Variants in CRY2 observed in about 807,000 individuals in gnomAD.
CRY2 encodes cryptochrome circadian regulator 2.
In CRY2, 31 loss-of-function variants were observed where a neutral mutation model predicts 69.5. The observed-to-expected ratio is 0.45, with a 90% CI of 0.34 to 0.60. The LOEUF is 0.60. Among genes scored for constraint, CRY2 ranks in the 20% least tolerant of loss-of-function variants. The pLI is 0.02. For synonymous variants in CRY2, 303 were observed against 312.2 expected (o/e 0.97, Z 0.31); for missense variants, 606 against 797.8 (o/e 0.76, Z 2.90).
chr11:45,874,994 G>T (rs1017141577), intron 11 of CRY2, among the ~76,000 whole-genome samples: 3 of 152,160 alleles, frequency 2.0e-5, no homozygotes, highest in African/African-American at 7.2e-5. Flanking sequence ...ATAAAATAAA[G>T]TTGAGTAAGA....
Position 45,872,122 on chromosome 11 carries a change from C to T in CRY2, c.1673C>T (p.Ser558Phe), listed in dbSNP as rs760099697. The change falls in exon 11 of 12, where the codon TCC (serine) becomes TTC (phenylalanine). Residue 558 changes from serine to phenylalanine, a missense_variant. Physicochemically the swap from Ser to Phe is radical, Grantham distance 155 (BLOSUM62 -2). Around this residue, in one of 5 missense-constraint regions of CRY2, gnomAD observed 173 missense variants for 213.7 expected, o/e 0.81. Coordinates refer to ENST00000616080, the MANE Select transcript of CRY2 (RefSeq NM_021117.5). ...AGACCACTACCCAGTGGCCCAGCAT[C>T]CCCCAAACGCAAGCTGGAAGCAGCC... ...GPRPLPSGPASPKRKLEAAEE... is the reference protein window; with the variant it reads ...GPRPLPSGPAFPKRKLEAAEE... 2.5e-6 allele frequency: 4 copies of T among 1,614,004 alleles called. No individual in the cohort carries two copies. Among genetic ancestry groups the T allele is most frequent in the Non-Finnish European group, 3.4e-6 (4 of 1,180,010 alleles).
At chr11:45,878,303 G>T (rs1389186926) in intron 11 of CRY2, among the ~76,000 whole-genome samples, 1 of 152,124 alleles carries the variant, frequency 6.6e-6, no homozygotes, top group Non-Finnish European at 1.5e-5. Context: ...GTTATTCTAA[G>T]GAATCTTCAT....
chr11:45,848,232 C>T (rs1202615779), intron 1 of CRY2, among the ~76,000 whole-genome samples: 1 of 152,160 alleles, frequency 6.6e-6, no homozygotes, highest in Non-Finnish European at 1.5e-5. Context: ...GACCGTCCTG[C>T]CTCTAGGGGT....
At chr11:45,847,269 G>T (rs776691726), upstream of CRY2, 9 of 1,551,840 alleles carry the variant, frequency 5.8e-6, no homozygotes, top group South Asian at 8.3e-5. Flanking sequence ...CCACCCGGGC[G>T]GACCCACACA....
At chr11:45,855,124 C>T (rs2086229191) in intron 1 of CRY2, among the ~76,000 whole-genome samples, 1 of 152,206 alleles carries the variant, frequency 6.6e-6, no homozygotes, top group African/African-American at 2.4e-5. Context: ...ATCCAGGTCT[C>T]CTGCTGAAGT....
At chr11:45,854,954 G>A (rs578095709) in intron 1 of CRY2, among the ~76,000 whole-genome samples, 4 of 152,162 alleles carry the variant, frequency 2.6e-5, no homozygotes, top group Non-Finnish European at 4.4e-5. Context: ...GTTGCCTCTG[G>A]GGAGTGAGGG....
At chr11:45,855,280 C>T (rs1038492944) in intron 1 of CRY2, among the ~76,000 whole-genome samples, 2 of 152,048 alleles carry the variant, frequency 1.3e-5, no homozygotes, top group African/African-American at 4.8e-5. Context: ...GAGCCACCTG[C>T]CAAACAAAGC....
intron 10 of CRY2, among the ~76,000 whole-genome samples, chr11:45,871,557 A>G (rs2086383082): frequency 6.6e-6 from 1 of 152,168 alleles, no homozygotes; most frequent in Non-Finnish European, 1.5e-5. Context: ...GGGCACAGGG[A>G]GGCCAGAGAG....
chr11:45,856,337 A>T (rs1387464933), intron 2 of CRY2: 2 of 456,342 alleles, frequency 4.4e-6, no homozygotes, highest in African/African-American at 4.0e-5. Flanking sequence ...CAGACATAGG[A>T]TGTGGTAAGT....
chr11:45,873,699 T>C (rs1402194999), intron 11 of CRY2, among the ~76,000 whole-genome samples: 1 of 152,148 alleles, frequency 6.6e-6, no homozygotes, highest in African/African-American at 2.4e-5. Context: ...TCCATAAGGA[T>C]TGAACAGTCT....
intron 5 of CRY2, 119 bp downstream of exon 5, chr11:45,862,267 C>A (rs2086293908): frequency 9.5e-6 from 8 of 837,998 alleles, no homozygotes; most frequent in Non-Finnish European, 1.4e-5. Flanking sequence ...AATGAAAAAT[C>A]CTCCTATCCT....
At chr11:45,865,089 T>C (rs1420116772) in intron 5 of CRY2, among the ~76,000 whole-genome samples, 2 of 151,518 alleles carry the variant, frequency 1.3e-5, no homozygotes, top group African/African-American at 4.9e-5. Context: ...TGGCCAAGAC[T>C]AAATTGTAAT....
At chr11:45,848,024 T>C (rs1392069415) in intron 1 of CRY2, among the ~76,000 whole-genome samples, 1 of 151,992 alleles carries the variant, frequency 6.6e-6, no homozygotes, top group African/African-American at 2.4e-5. Flanking sequence ...AGCCAGTGAG[T>C]GGCAGAACAG....
At chr11:45,879,351 A>G (rs573067635) in intron 11 of CRY2, among the ~76,000 whole-genome samples, 1 of 152,350 alleles carries the variant, frequency 6.6e-6, no homozygotes, top group African/African-American at 2.4e-5. Flanking sequence ...CTTCAGATTT[A>G]CCATGCGGCC....
At chr11:45,867,347 T>C (rs2086339123) in intron 5 of CRY2, 1 of 441,832 alleles carries the variant, frequency 2.3e-6, no homozygotes, top group Non-Finnish European at 4.0e-6. Flanking sequence ...ATTTTGTTCT[T>C]ATTTAATAGA....
At chr11:45,876,204 G>C (rs1219690715) in intron 11 of CRY2, among the ~76,000 whole-genome samples, 1 of 152,072 alleles carries the variant, frequency 6.6e-6, no homozygotes, top group African/African-American at 2.4e-5. Context: ...CTACATCCTG[G>C]GCCTTTTGAG....
At chr11:45,873,828 G>A (rs2086405360) in intron 11 of CRY2, among the ~76,000 whole-genome samples, 1 of 152,316 alleles carries the variant, frequency 6.6e-6, no homozygotes, top group African/African-American at 2.4e-5. Context: ...ACAGAAGTTT[G>A]CGCTAGGGGG....
At chr11:45,847,195 C>T (rs2086155084), upstream of CRY2, 1 of 1,550,070 alleles carries the variant, frequency 6.5e-7, no homozygotes, top group East Asian at 2.4e-5. Context: ...CTACTCCCGG[C>T]ACTCCGCGGA....
Position 45,859,391 on chromosome 11 carries a change from G to A in CRY2, c.467+518G>A, listed in dbSNP as rs148170672. Among the ~76,000 whole-genome samples, 711 of 151,932 alleles carry A rather than the reference G, an allele frequency of 4.7e-3. 25 individuals are homozygous for A. The South Asian group carries it at 0.089, about 19-fold the overall frequency. ...GCCTGGGCAACATAGTGAGACCCCC[G>A]TCTCTACTAAAAATAAATATATTAG... is the stretch of plus-strand genomic sequence containing the variant. On this transcript the variant is annotated intron_variant, in intron 3 of 11. Transcript: ENST00000616080.
Sources: allele counts gnomAD v4.1 joint callset (sites outside exome capture counted in the v4.1 genomes callset), GRCh38; gene constraint gnomAD v4.1.1; regional missense constraint gnomAD v4.1.1; transcripts MANE v1.5; gene names NCBI Gene and HGNC (gene_info 2026-07-23, HGNC 2026-07-21).